The following GTF3C2 variants were observed in gnomAD, a reference collection of about 807,000 sequenced individuals.
The protein encoded by GTF3C2 is general transcription factor 3C polypeptide 2.
GTF3C2 carries 17 observed loss-of-function variants against 117.4 expected under a neutral mutation model. That is an observed-to-expected ratio of 0.14 (90% CI 0.10 to 0.22). The LOEUF is 0.22. Among genes scored for constraint, GTF3C2 ranks in the 10% least tolerant of loss-of-function variants. The pLI, the probability that GTF3C2 is intolerant of heterozygous loss-of-function variation, is 1.00. For missense variants in GTF3C2, 888 were observed against 1,143.6 expected, an observed-to-expected ratio of 0.78 and a Z score of 3.22; for synonymous variants, 437 against 427.0, an observed-to-expected ratio of 1.02 and a Z score of -0.29.
intron 10 of GTF3C2, among the ~76,000 whole-genome samples, chr2:27,335,053 G>C (rs1370969483): frequency 1.3e-5 from 2 of 152,112 alleles, no homozygotes; most frequent in African/African-American, 4.8e-5. Flanking sequence ...GGACTTCCCA[G>C]GGCTCCAGCC....
chr2:27,344,132 C>T (rs527403915), intron 1 of GTF3C2, among the ~76,000 whole-genome samples: 1 of 151,592 alleles, frequency 6.6e-6, no homozygotes, highest in African/African-American at 2.4e-5. Context: ...TCAAGCAATT[C>T]TCCTGCCTCA....
chr2:27,354,698 T>C (rs754187703), intron 1 of GTF3C2, among the ~76,000 whole-genome samples: 13 of 151,648 alleles, frequency 8.6e-5, no homozygotes, highest in Non-Finnish European at 2.9e-5. Context: ...GAGGGAGAGG[T>C]TGCAGTGAGC....
At chr2:27,326,969 A>C (rs537451431) in intron 18 of GTF3C2, 76 bp from the exon 19 acceptor site, 63 of 874,842 alleles carry the variant, frequency 7.2e-5, no homozygotes, top group African/African-American at 2.7e-4. Flanking sequence ...GTATGAACAA[A>C]AAAAAAAAAT....
At chr2:27,337,331 G>A in exon 7 of GTF3C2, 1 of 1,611,242 alleles carries the variant, frequency 6.2e-7, no homozygotes, top group Non-Finnish European at 8.5e-7. Context: ...GGGCAGGTAG[G>A]GAGCGGCCTC....
intron 7 of GTF3C2, 51 bp downstream of exon 7, chr2:27,337,193 C>G: frequency 9.3e-7 from 1 of 1,074,106 alleles, no homozygotes; most frequent in Non-Finnish European, 1.4e-6. Flanking sequence ...ATTCATTTTT[C>G]TTGTTTCTGG....
At chr2:27,338,366 G>T in intron 4 of GTF3C2, 1 of 275,134 alleles carries the variant, frequency 3.6e-6, no homozygotes, top group Non-Finnish European at 7.0e-6. Context: ...TCCTTCACAG[G>T]TTCTCCCTTC....
chr2:27,338,517 GACT>G (rs2148289954), intron 4 of GTF3C2, among the ~76,000 whole-genome samples: 1 of 152,116 alleles, frequency 6.6e-6, no homozygotes, highest in African/African-American at 2.4e-5. Flanking sequence ...CCATGGCTTT[GACT>G]ACTGTCTTTT....
At chr2:27,356,297 G>A in intron 1 of GTF3C2, 1 of 378,434 alleles carries the variant, frequency 2.6e-6, no homozygotes. Context: ...GGACACAGCT[G>A]AAAGAGATTG....
At chr2:27,349,707 C>T (rs1281842923) in intron 1 of GTF3C2, among the ~76,000 whole-genome samples, 2 of 151,680 alleles carry the variant, frequency 1.3e-5, no homozygotes, top group Non-Finnish European at 2.9e-5. Flanking sequence ...GGCGTGATCT[C>T]GGCTCACTGC....
At position 27,329,456 on chromosome 2, in the gene GTF3C2, G is replaced by C. The variant is rs983210961; in HGVS notation, c.1800C>G (p.Ser600=). Residue 600 remains serine (S), a synonymous_variant, in exon 13 of 19, where the codon TCC becomes TCG. Coordinates refer to ENST00000264720, the Ensembl canonical transcript of GTF3C2. This position sits in a 1 kb window ranked among gnomAD's most constrained non-coding sequence, Gnocchi z 4.5. Reference sequence around the variant, plus strand: ...AACACTGGAAGGGGTAGAGCTTTAAGGAGCCATCAGAGAGCCGTATCCGCT... The same window carrying C: ...AACACTGGAAGGGGTAGAGCTTTAACGAGCCATCAGAGAGCCGTATCCGCT... 1 of 1,614,126 alleles carries C rather than the reference G, an allele frequency of 6.2e-7. No homozygotes were observed. The highest frequency in any genetic ancestry group is 8.5e-7 in the Non-Finnish European group (1 of 1,179,972).
chr2:27,336,765 T>G, intron 7 of GTF3C2: 1 of 257,998 alleles, frequency 3.9e-6, no homozygotes, highest in Non-Finnish European at 7.5e-6. Context: ...TATGCCACCA[T>G]ACCCCACTAA....
At chr2:27,356,072 G>A (rs557692518) in intron 1 of GTF3C2, 2 of 1,284,566 alleles carry the variant, frequency 1.6e-6, no homozygotes, top group South Asian at 1.2e-5. Flanking sequence ...CTGGAACAAA[G>A]AGGTTTGTCC....
rs1206801773 is a variant in GTF3C2, at chr2:27,329,998, T to C, written c.1733-475A>G. Among the ~76,000 whole-genome samples, 2 of 149,726 alleles carry C rather than the reference T, an allele frequency of 1.3e-5. No homozygotes were observed. Among genetic ancestry groups the C allele is most frequent in the African/African-American group, 4.9e-5 (2 of 40,486 alleles). ...CGTCTCTACTAAAAATACAAAAAAT[T>C]GGCCAGATGTGGTGGTGGGTGTCTG... On this transcript the variant is annotated intron_variant, in intron 12 of 18. Coordinates refer to ENST00000264720, the Ensembl canonical transcript of GTF3C2. The surrounding 1 kb of genome is among the most constrained non-coding windows in gnomAD (Gnocchi z 4.5).
At chr2:27,335,515 A>G in intron 10 of GTF3C2, 83 bp downstream of exon 10, 1 of 781,808 alleles carries the variant, frequency 1.3e-6, no homozygotes. Context: ...ACTGGCCCAG[A>G]GGAGTTTCCA....
chr2:27,343,970 T>C (rs1023975303), intron 1 of GTF3C2, among the ~76,000 whole-genome samples: 2 of 150,156 alleles, frequency 1.3e-5, no homozygotes, highest in African/African-American at 2.4e-5. Flanking sequence ...CCTGCCCTCA[T>C]GGAACTTACA....
chr2:27,329,132 G>A lies in GTF3C2; in HGVS notation c.2028C>T (p.Asn676=), dbSNP rs770660635. 49 of 1,614,016 alleles carry A rather than the reference G, an allele frequency of 3.0e-5. No individual in the cohort carries two copies. Among genetic ancestry groups the A allele is most frequent in the African/African-American group, 1.3e-5 (1 of 74,916 alleles). The change falls in exon 14 of 19, where the codon AAC becomes AAT. Residue 676 remains asparagine (N), a synonymous_variant. Coordinates refer to ENST00000264720, the Ensembl canonical transcript of GTF3C2. This position sits in a 1 kb window ranked among gnomAD's most constrained non-coding sequence, Gnocchi z 4.5. Reference sequence around the variant, plus strand: ...CCATCTTGCCGTACGAGGCATAGCAGTTGTCCTGAGCCACAGTGACACCAT... The same window carrying A: ...CCATCTTGCCGTACGAGGCATAGCAATTGTCCTGAGCCACAGTGACACCAT...
chr2:27,329,549 CATT>C lies in GTF3C2; in HGVS notation c.1733-29_1733-27del, dbSNP rs1680208535. 1 of 1,610,966 alleles carries C rather than the reference CATT, an allele frequency of 6.2e-7. No homozygotes were observed. Reference sequence around the variant, plus strand: ...CTGAAATAAGGACAGAATGTGTGAGCATTAAAAGCAAGTTCTCTCTTCCTTGCT... The same window carrying C: ...CTGAAATAAGGACAGAATGTGTGAGCAAAAGCAAGTTCTCTCTTCCTTGCT... On this transcript the variant is annotated intron_variant, in intron 12 of 18. Transcript: ENST00000264720. This position sits in a 1 kb window ranked among gnomAD's most constrained non-coding sequence, Gnocchi z 4.5.
intron 12 of GTF3C2, among the ~76,000 whole-genome samples, chr2:27,331,798 G>A (rs1680280007): frequency 6.6e-6 from 1 of 152,028 alleles, no homozygotes; most frequent in South Asian, 2.1e-4. Context: ...AATTAGCCAG[G>A]CATTGTGGCT....
At chr2:27,347,081 T>C (rs554872943) in intron 1 of GTF3C2, among the ~76,000 whole-genome samples, 1 of 152,260 alleles carries the variant, frequency 6.6e-6, no homozygotes, top group East Asian at 1.9e-4. Flanking sequence ...TGTATAACCA[T>C]GGGCCAAAGT....
Sources: allele counts gnomAD v4.1 joint callset (sites outside exome capture counted in the v4.1 genomes callset), GRCh38; gene constraint gnomAD v4.1.1; non-coding constraint Gnocchi (gnomAD v3.1); transcripts MANE v1.5; gene names NCBI Gene and HGNC (gene_info 2026-07-23, HGNC 2026-07-21).